Variants in EPB41L3 observed in about 807,000 individuals in gnomAD.
The protein encoded by EPB41L3 is band 4.1-like protein 3.
In EPB41L3, 57 loss-of-function variants were observed where a neutral mutation model predicts 127.1. That is an observed-to-expected ratio of 0.45 (90% CI 0.36 to 0.56). The LOEUF (loss-of-function observed/expected upper bound fraction) is 0.56. Ranked by LOEUF, EPB41L3 falls within the 20% of genes least tolerant of loss-of-function variation. The pLI is 0.00. For missense variants in EPB41L3, 1,273 were observed against 1,372.2 expected, an observed-to-expected ratio of 0.93 and a Z score of 1.14; for synonymous variants, 572 against 549.5, an observed-to-expected ratio of 1.04 and a Z score of -0.57.
chr18:5,527,813 A>C (rs2093280842), intron 1 of EPB41L3, among the ~76,000 whole-genome samples: 1 of 152,174 alleles, frequency 6.6e-6, no homozygotes, highest in Non-Finnish European at 1.5e-5. Context: ...AGAAGGGAGA[A>C]GCATGACTCA....
At chr18:5,627,629 A>G (rs941176579) in intron 1 of EPB41L3, among the ~76,000 whole-genome samples, 2 of 152,232 alleles carry the variant, frequency 1.3e-5, no homozygotes, top group African/African-American at 4.8e-5. Flanking sequence ...CCTAAAAATT[A>G]TTAAATGTAT....
intron 3 of EPB41L3, among the ~76,000 whole-genome samples, chr18:5,561,748 T>G (rs914132354): frequency 2.0e-5 from 3 of 152,162 alleles, no homozygotes; most frequent in African/African-American, 4.8e-5. Flanking sequence ...GGGAAACATG[T>G]TAACAGTACA....
chr18:5,549,046 A>G (rs1294366219), upstream of EPB41L3, among the ~76,000 whole-genome samples: 1 of 152,214 alleles, frequency 6.6e-6, no homozygotes, highest in Non-Finnish European at 1.5e-5. Context: ...TTAACAGAGG[A>G]AGAAATAATA....
chr18:5,594,653 A>G (rs557378719), intron 3 of EPB41L3, among the ~76,000 whole-genome samples: 5 of 152,326 alleles, frequency 3.3e-5, no homozygotes, highest in East Asian at 3.9e-4. Flanking sequence ...TTTAGAAGGC[A>G]GACTAAAAAA....
chr18:5,529,747 G>T (rs1050834373), intron 1 of EPB41L3, among the ~76,000 whole-genome samples: 2 of 152,004 alleles, frequency 1.3e-5, no homozygotes, highest in African/African-American at 4.8e-5. Context: ...AGTGACCTCA[G>T]CTTCTATGGC....
chr18:5,425,684 T>G (rs2078074862), intron 9 of EPB41L3, among the ~76,000 whole-genome samples: 1 of 152,190 alleles, frequency 6.6e-6, no homozygotes, highest in South Asian at 2.1e-4. Flanking sequence ...TGTCTCCAAT[T>G]TCTTCTCACT....
chr18:5,483,083 G>A (rs1182593783), intron 2 of EPB41L3, among the ~76,000 whole-genome samples: 1 of 152,066 alleles, frequency 6.6e-6, no homozygotes, highest in Admixed American at 6.6e-5. Context: ...AATACCTACA[G>A]CAACCAGTGA....
intron 1 of EPB41L3, among the ~76,000 whole-genome samples, chr18:5,494,151 C>T (rs78356886): frequency 0.095 from 14,444 of 152,042 alleles, 1,629 homozygotes; most frequent in African/African-American, 0.27. Flanking sequence ...CACCTAAAAC[C>T]GAACATTTTT....
At chr18:5,613,529 G>A (rs1453719820) in intron 2 of EPB41L3, among the ~76,000 whole-genome samples, 1 of 152,202 alleles carries the variant, frequency 6.6e-6, no homozygotes, top group East Asian at 1.9e-4. Context: ...CATGGGTTTA[G>A]GGTAGATGAT....
At chr18:5,487,407 T>A (rs897232019) in intron 2 of EPB41L3, among the ~76,000 whole-genome samples, 4 of 147,140 alleles carry the variant, frequency 2.7e-5, no homozygotes, top group African/African-American at 5.2e-5. Flanking sequence ...ATATATATAT[T>A]TTTTATATAA....
intron 3 of EPB41L3, among the ~76,000 whole-genome samples, chr18:5,554,162 C>T (rs928916667): frequency 2.6e-5 from 4 of 152,344 alleles, no homozygotes; most frequent in East Asian, 1.9e-4. Flanking sequence ...ATTCTCTTAT[C>T]CCACTCTCCT....
intron 1 of EPB41L3, among the ~76,000 whole-genome samples, chr18:5,499,849 G>T (rs1417794710): frequency 1.7e-5 from 2 of 116,278 alleles, no homozygotes; most frequent in Admixed American, 8.6e-5. Flanking sequence ...ATATATATAT[G>T]GCATTACAAC....
At chr18:5,578,701 G>A (rs1168042168) in intron 3 of EPB41L3, among the ~76,000 whole-genome samples, 3 of 152,304 alleles carry the variant, frequency 2.0e-5, no homozygotes, top group African/African-American at 7.2e-5. Flanking sequence ...ACCCCAGTGA[G>A]AGAGAACATA....
intron 2 of EPB41L3, among the ~76,000 whole-genome samples, chr18:5,613,831 C>A (rs1159547602): frequency 1.3e-5 from 2 of 152,046 alleles, no homozygotes; most frequent in African/African-American, 4.8e-5. Flanking sequence ...ACACAGTTAA[C>A]CTTCATAAAA....
intron 3 of EPB41L3, among the ~76,000 whole-genome samples, chr18:5,564,633 G>A (rs2149223198): frequency 1.3e-5 from 2 of 152,238 alleles, no homozygotes; most frequent in South Asian, 4.2e-4. Flanking sequence ...TCAGAAGGAA[G>A]ATGAGCTCAT....
intron 3 of EPB41L3, among the ~76,000 whole-genome samples, chr18:5,611,807 G>C (rs889153055): frequency 6.6e-6 from 1 of 151,962 alleles, no homozygotes; most frequent in Non-Finnish European, 1.5e-5. Flanking sequence ...GTGTGCACCT[G>C]TAGTACACCT....
At chr18:5,524,316 C>T (rs2093134476) in intron 1 of EPB41L3, among the ~76,000 whole-genome samples, 1 of 152,134 alleles carries the variant, frequency 6.6e-6, no homozygotes, top group Non-Finnish European at 1.5e-5. Flanking sequence ...GCCGCAGCCT[C>T]CCAAGTAGCT....
chr18:5,442,343 G>T (rs1052672467), intron 5 of EPB41L3, among the ~76,000 whole-genome samples: 1 of 152,176 alleles, frequency 6.6e-6, no homozygotes, highest in African/African-American at 2.4e-5. Context: ...TTTCTGGGTA[G>T]TGGATACATC....
At chr18:5,600,151 A>C (rs2094575644) in intron 3 of EPB41L3, among the ~76,000 whole-genome samples, 1 of 152,244 alleles carries the variant, frequency 6.6e-6, no homozygotes, top group South Asian at 2.1e-4. Flanking sequence ...AAATTTAAGC[A>C]CCTGTTTACA....
Sources: gnomAD v4.1 joint callset for allele counts (sites outside exome capture counted in the v4.1 genomes callset) on GRCh38, gnomAD v4.1.1 for gene constraint, MANE v1.5 for transcripts, NCBI Gene and HGNC (gene_info 2026-07-23, HGNC 2026-07-21) for gene names.